ADGRL2: variants seen among roughly 807,000 people sequenced by gnomAD.
ADGRL2 encodes calcium-independent alpha-latrotoxin receptor 2.
Under a neutral mutation model 157.4 loss-of-function variants are expected in ADGRL2, and 44 were observed. The observed-to-expected ratio is 0.28, with a 90% CI of 0.22 to 0.36. The LOEUF is 0.36. ADGRL2 is among the 10% of genes least tolerant of loss of function. The pLI, the probability that ADGRL2 is intolerant of heterozygous loss-of-function variation, is 1.00. For missense variants in ADGRL2, 1,510 were observed against 1,768.9 expected, an observed-to-expected ratio of 0.85 and a Z score of 2.63; for synonymous variants, 585 against 624.7, an observed-to-expected ratio of 0.94 and a Z score of 0.95.
At chr1:81,975,437 GC>G (rs1349790868) in intron 17 of ADGRL2, among the ~76,000 whole-genome samples, 1 of 152,078 alleles carries the variant, frequency 6.6e-6, no homozygotes, top group Non-Finnish European at 1.5e-5. Flanking sequence ...AAGAGTGGCT[GC>G]ATTGGAATTC....
At chr1:81,397,637 T>G (rs1464827338) in intron 1 of ADGRL2, among the ~76,000 whole-genome samples, 2 of 151,988 alleles carry the variant, frequency 1.3e-5, no homozygotes, top group South Asian at 2.1e-4. Context: ...GTCTCCTTTT[T>G]TGTTTCTGAT....
intron 2 of ADGRL2, among the ~76,000 whole-genome samples, chr1:81,888,441 T>G (rs1032067621): frequency 2.0e-5 from 3 of 152,106 alleles, no homozygotes; most frequent in Non-Finnish European, 4.4e-5. Flanking sequence ...TTTTTTATTT[T>G]ATTTATTTAT....
At chr1:81,358,335 G>C (rs556493789) in intron 1 of ADGRL2, among the ~76,000 whole-genome samples, 8 of 152,228 alleles carry the variant, frequency 5.3e-5, no homozygotes, top group African/African-American at 1.9e-4. Flanking sequence ...CGGCTCTCTT[G>C]GAATGAATGT....
chr1:81,626,402 C>A (rs1489332470), intron 3 of ADGRL2, among the ~76,000 whole-genome samples: 5 of 152,172 alleles, frequency 3.3e-5, no homozygotes, highest in African/African-American at 9.7e-5. Flanking sequence ...ACCTCCCGGG[C>A]TCAAGCAGTC....
intron 2 of ADGRL2, among the ~76,000 whole-genome samples, chr1:81,858,532 A>C (rs2093281997): frequency 6.6e-6 from 1 of 152,160 alleles, no homozygotes; most frequent in Non-Finnish European, 1.5e-5. Context: ...ACCAAGACTT[A>C]AGAGAATGTA....
chr1:81,893,539 G>T (rs990157336), intron 2 of ADGRL2, among the ~76,000 whole-genome samples: 4 of 152,134 alleles, frequency 2.6e-5, no homozygotes, highest in African/African-American at 9.7e-5. Context: ...TAATTTGTCA[G>T]AATCTGTGTA....
Position 81,943,545 on chromosome 1 carries a change from G to A in ADGRL2, c.986G>A (p.Arg329Lys). ...FMICGVLYVVRSVYQDNESET... is the reference protein window; with the variant it reads ...FMICGVLYVVKSVYQDNESET... ...ATATGCGGAGTCCTCTATGTGGTTA[G>A]GTCAGTTTATCAAGACAATGAAAGT... Residue 329 changes from arginine to lysine, a missense_variant, in exon 6 of 24, where the codon AGG becomes AAG. Arg to Lys is a conservative substitution (Grantham distance 26). Transcript: ENST00000686636. This position sits in a 1 kb window ranked among gnomAD's most constrained non-coding sequence, Gnocchi z 5.6. The A allele has an allele frequency of 6.2e-7, 1 of 1,613,722 alleles. No homozygotes were observed. The highest frequency in any genetic ancestry group is 8.5e-7 in the Non-Finnish European group (1 of 1,179,760).
intron 1 of ADGRL2, among the ~76,000 whole-genome samples, chr1:81,397,825 G>A (rs2076684197): frequency 6.6e-6 from 1 of 152,134 alleles, no homozygotes; most frequent in Non-Finnish European, 1.5e-5. Context: ...TCTGGTATTA[G>A]GTACATTTGG....
intron 3 of ADGRL2, among the ~76,000 whole-genome samples, chr1:81,613,545 G>A (rs538630810): frequency 1.3e-5 from 2 of 152,334 alleles, no homozygotes; most frequent in African/African-American, 4.8e-5. Context: ...TGCAAGCAAT[G>A]AAGAGTGCAG....
At chr1:81,696,608 C>T (rs370788353), upstream of ADGRL2, among the ~76,000 whole-genome samples, 279 of 152,084 alleles carry the variant, frequency 1.8e-3, 1 homozygote, top group African/African-American at 6.3e-3. Flanking sequence ...AAAAATTAGC[C>T]GGGTGTGGTG....
At chr1:81,322,844 A>G (rs2100637663) in intron 1 of ADGRL2, among the ~76,000 whole-genome samples, 1 of 152,142 alleles carries the variant, frequency 6.6e-6, no homozygotes, top group South Asian at 2.1e-4. Context: ...CACTATGGAT[A>G]TCTTTCTTTT....
rs528350583 is a variant in ADGRL2 at position 81,722,297 on chromosome 1, A to C, written c.-143+22489A>C. On this transcript the variant is annotated intron_variant, in intron 1 of 20. Coordinates refer to the ADGRL2 transcript ENST00000359929. ...GACAGAGCGAGACTCCGTCTAAAAA[A>C]AAAAGAAAATGCAGAGATAACAGAG... is the stretch of plus-strand genomic sequence containing the variant. The C allele has an allele frequency of 1.3e-3, 733 of 554,376 alleles. 4 individuals are homozygous for C. Among genetic ancestry groups the C allele is most frequent in the South Asian group, 1.7e-3 (98 of 56,042 alleles). The allele number at this position is 554,376 out of a possible 1,614,324, so 34.3% of individuals were successfully genotyped here.
intron 2 of ADGRL2, among the ~76,000 whole-genome samples, chr1:81,862,730 C>T (rs3790932): frequency 0.38 from 57,292 of 151,892 alleles, 12,530 homozygotes; most frequent in East Asian, 0.86. Context: ...ACTCTTTTAC[C>T]AAGCAAGTTT....
intron 3 of ADGRL2, among the ~76,000 whole-genome samples, chr1:81,602,865 T>C (rs957380524): frequency 1.9e-4 from 27 of 141,236 alleles, no homozygotes; most frequent in Non-Finnish European, 3.6e-4. Flanking sequence ...ACCACTGCAC[T>C]CCAGCCTGGG....
intron 1 of ADGRL2, among the ~76,000 whole-genome samples, chr1:81,832,505 A>G (rs945208364): frequency 6.6e-6 from 1 of 152,214 alleles, no homozygotes. Context: ...AAGTACCATG[A>G]CTAGAAATAT....
intron 3 of ADGRL2, chr1:81,586,102 C>T (rs1007356751): frequency 6.6e-6 from 1 of 151,948 alleles, no homozygotes; most frequent in Non-Finnish European, 1.5e-5. Context: ...TATTATGTTA[C>T]ACCATTACAG....
At chr1:81,654,389 G>A (rs2082486496) in intron 3 of ADGRL2, among the ~76,000 whole-genome samples, 1 of 152,098 alleles carries the variant, frequency 6.6e-6, no homozygotes. Flanking sequence ...CTGTGCTTCA[G>A]CCTTTCCATT....
Position 81,525,715 on chromosome 1 carries a change from A to G in ADGRL2, c.-247-55161A>G, listed in dbSNP as rs1159770329. Among the ~76,000 whole-genome samples the G allele has an allele frequency of 3.3e-5, 5 of 152,288 alleles. No individual in the cohort carries two copies. In the East Asian group the frequency reaches 5.8e-4, roughly 18 times the overall value. On this transcript the variant is annotated intron_variant, in intron 2 of 24. Transcript: ENST00000370721. The stretch of plus-strand genomic sequence containing the variant: ...GCTTGAAATCTACTTTAGTGAGAGT[A>G]TTTATCCCAAGGAAATAGGAAACGC...
Position 81,578,238 on chromosome 1 carries a change from G to A in ADGRL2, c.-247-2638G>A, listed in dbSNP as rs1270156881. ...TGTCAGAAAGAGGAAGGAAAAATGAGACTGGTATCCAGGTACACAGGTATA... is the reference window on the plus strand; with the variant it reads ...TGTCAGAAAGAGGAAGGAAAAATGAAACTGGTATCCAGGTACACAGGTATA... On this transcript the variant is annotated intron_variant, in intron 2 of 24. Transcript: ENST00000370721. 3.3e-5 allele frequency among the ~76,000 whole-genome samples: 5 copies of A among 152,262 alleles called. No individual in the cohort carries two copies. The East Asian group carries it at 5.8e-4, about 18-fold the overall frequency.
Sources: gnomAD v4.1 joint callset for allele counts (sites outside exome capture counted in the v4.1 genomes callset) on GRCh38, gnomAD v4.1.1 for gene constraint, Gnocchi (gnomAD v3.1) non-coding constraint, MANE v1.5 for transcripts, NCBI Gene and HGNC (gene_info 2026-07-23, HGNC 2026-07-21) for gene names.